ZNF609: variants seen among roughly 807,000 people sequenced by gnomAD.
The protein encoded by ZNF609 is zinc finger protein 609.
Under a neutral mutation model 109.5 loss-of-function variants are expected in ZNF609, and 11 were observed. The observed-to-expected ratio is 0.10, with a 90% CI of 0.06 to 0.17. The LOEUF (loss-of-function observed/expected upper bound fraction) is 0.17. Ranked by LOEUF, ZNF609 falls within the 10% of genes least tolerant of loss-of-function variation. The pLI is 1.00. For synonymous variants in ZNF609, 646 were observed against 662.0 expected, an observed-to-expected ratio of 0.98 and a Z score of 0.37; for missense variants, 1,559 against 1,772.4, an observed-to-expected ratio of 0.88 and a Z score of 2.16.
intron 2 of ZNF609, among the ~76,000 whole-genome samples, chr15:64,588,855 C>G (rs1442824540): frequency 1.3e-5 from 2 of 152,064 alleles, no homozygotes; most frequent in Non-Finnish European, 2.9e-5. Context: ...TCAGGCTGGT[C>G]TCGAACTCCT....
chr15:64,680,450 G>T lies in ZNF609; in HGVS notation c.3945+90G>T, dbSNP rs887262801. The T allele has an allele frequency of 6.6e-6, 10 of 1,514,770 alleles. No homozygotes were observed. In the African/African-American group the frequency reaches 1.2e-4, roughly 19 times the overall value. The allele number at this position is 1,514,770 out of a possible 1,614,324, so 93.8% of individuals were successfully genotyped here. ...GAGAAGGTGGGCAAGTTCAGGTCCT[G>T]ACCACAGTGCAGCTTGGCTGACTTG... is the stretch of plus-strand genomic sequence containing the variant. On this transcript the variant is annotated intron_variant, in intron 7 of 9. Transcript: ENST00000326648.
chr15:64,613,207 G>A (rs1425182768), intron 2 of ZNF609, among the ~76,000 whole-genome samples: 1 of 152,098 alleles, frequency 6.6e-6, no homozygotes, highest in Admixed American at 6.6e-5. Flanking sequence ...TGTAGTCCCA[G>A]CTACTTGAGA....
In ZNF609 at chr15:64,499,919, G is replaced by A; in HGVS notation, c.500G>A (p.Ser167Asn). The change falls in exon 2 of 10, where the codon AGC (serine) becomes AAC (asparagine). Residue 167 changes from serine (S) to asparagine (N), a missense_variant. Around this residue, in one of 4 missense-constraint regions of ZNF609, gnomAD observed 291 missense variants for 317.8 expected, o/e 0.92. Coordinates refer to ENST00000326648, the MANE Select transcript of ZNF609 (RefSeq NM_015042.2). ...KKEKENSSSK[S>N]KKERSEGVGT... is the part of the protein sequence containing the mutation. ...GAGAAGGAGAACAGCTCATCTAAGA[G>A]CAAGAAGGAGAGAAGCGAAGGAGTG... 6.2e-7 allele frequency: 1 copy of A among 1,614,100 alleles called. No individual in the cohort carries two copies. Among genetic ancestry groups the A allele is most frequent in the Non-Finnish European group, 8.5e-7 (1 of 1,180,018 alleles).
intron 2 of ZNF609, among the ~76,000 whole-genome samples, chr15:64,577,744 C>T (rs890552563): frequency 4.0e-5 from 6 of 149,838 alleles, no homozygotes; most frequent in African/African-American, 7.4e-5. Flanking sequence ...CTGTAATCCC[C>T]GCTACTTGGG....
chr15:64,644,989 CTT>C (rs971962353), intron 3 of ZNF609, among the ~76,000 whole-genome samples: 1 of 147,128 alleles, frequency 6.8e-6, no homozygotes, highest in Non-Finnish European at 1.5e-5. Context: ...CTTTTTCTTT[CTT>C]TCTTTCTTTC....
chr15:64,486,492 C>T (rs892965371), intron 1 of ZNF609, among the ~76,000 whole-genome samples: 4 of 148,414 alleles, frequency 2.7e-5, no homozygotes, highest in Non-Finnish European at 1.5e-5. Flanking sequence ...CCACTGCACT[C>T]CAGCCCAGGT....
Position 64,622,881 on chromosome 15 carries a change from G to T in ZNF609, c.802G>T (p.Val268Leu). 1 of 1,614,244 alleles carries T rather than the reference G, an allele frequency of 6.2e-7. No individual in the cohort carries two copies. Among genetic ancestry groups the T allele is most frequent in the Non-Finnish European group, 8.5e-7 (1 of 1,180,036 alleles). ...GCTGCCAATACACCTTTTGGTGCCA[G>T]TGGTCAACAATGACATCTCATCTCC... ...AVLPIHLLVP[V>L]VNNDISSPCE... Residue 268 changes from valine (V) to leucine (L), a missense_variant, in exon 3 of 10, where the codon GTG becomes TTG. Transcript: ENST00000326648.
intron 3 of ZNF609, among the ~76,000 whole-genome samples, chr15:64,665,540 C>T (rs1896632869): frequency 6.6e-6 from 1 of 152,124 alleles, no homozygotes; most frequent in South Asian, 2.1e-4. Context: ...TCACTTGAGA[C>T]CAGGAGTTGA....
At chr15:64,588,442 A>AAAAAAAAAAAAAAGAAG (rs71133451) in intron 2 of ZNF609, among the ~76,000 whole-genome samples, 90 of 75,270 alleles carry the variant, frequency 1.2e-3, no homozygotes, top group African/African-American at 4.2e-3. Flanking sequence ...AAAAAAAAAA[A>AAAAAAAAAAAAAAGAAG]AAGAAGAGGA....
chr15:64,636,464 T>A (rs922402014), intron 3 of ZNF609, among the ~76,000 whole-genome samples: 9 of 152,188 alleles, frequency 5.9e-5, no homozygotes, highest in African/African-American at 2.2e-4. Flanking sequence ...ATTGAACTCA[T>A]AATCAAATGA....
chr15:64,576,698 G>C (rs1311643129), intron 2 of ZNF609, among the ~76,000 whole-genome samples: 1 of 151,402 alleles, frequency 6.6e-6, no homozygotes, highest in African/African-American at 2.4e-5. Flanking sequence ...CAGCACTTTG[G>C]GAGACTGAAG....
At chr15:64,573,346 C>CTTCTT (rs1555420099) in intron 2 of ZNF609, among the ~76,000 whole-genome samples, 1 of 72,948 alleles carries the variant, frequency 1.4e-5, no homozygotes, top group African/African-American at 5.4e-5. Context: ...GCCCAACTTT[C>CTTCTT]TTTTTTTTTT....
rs116535794 is a variant in ZNF609, at chr15:64,480,618, A to G, written c.-127-18675A>G. 7.9e-3 allele frequency among the ~76,000 whole-genome samples: 1,197 copies of G among 152,300 alleles called. 17 individuals carry two copies. Among genetic ancestry groups the G allele is most frequent in the African/African-American group, 0.028 (1,149 of 41,568 alleles). ...AGGAGACTAACTGTTCAGGTGTAGT[A>G]CTGCTCTGGGCTATATACCTCATAG... On this transcript the variant is annotated intron_variant, in intron 1 of 9. Coordinates refer to ENST00000326648, the MANE Select transcript of ZNF609 (RefSeq NM_015042.2).
intron 2 of ZNF609, among the ~76,000 whole-genome samples, chr15:64,588,157 G>A (rs1208468664): frequency 1.3e-5 from 2 of 150,952 alleles, no homozygotes; most frequent in African/African-American, 2.4e-5. Context: ...GGCCGGGTGC[G>A]GTGGCTCACG....
intron 2 of ZNF609, among the ~76,000 whole-genome samples, chr15:64,536,885 G>A (rs1894155795): frequency 7.3e-6 from 1 of 137,370 alleles, no homozygotes; most frequent in South Asian, 2.3e-4. Flanking sequence ...ACTCCAGCCT[G>A]GGCGACAGAG....
intron 2 of ZNF609, among the ~76,000 whole-genome samples, chr15:64,513,961 A>G (rs1457463745): frequency 6.6e-6 from 1 of 151,956 alleles, no homozygotes; most frequent in Non-Finnish European, 1.5e-5. Context: ...GTGTGTTGAT[A>G]CATGCCTGTG....
intron 3 of ZNF609, among the ~76,000 whole-genome samples, chr15:64,665,560 G>A (rs1284931272): frequency 6.6e-6 from 1 of 152,020 alleles, no homozygotes; most frequent in Admixed American, 6.6e-5. Flanking sequence ...AAACCAGCCT[G>A]GGTAACATAG....
intron 1 of ZNF609, among the ~76,000 whole-genome samples, chr15:64,483,295 T>C (rs570322696): frequency 1.3e-5 from 2 of 152,278 alleles, no homozygotes; most frequent in Admixed American, 1.3e-4. Context: ...GGGTTCTCCA[T>C]GTTGGTCAGG....
At chr15:64,610,744 C>G (rs1472782162) in intron 2 of ZNF609, among the ~76,000 whole-genome samples, 6 of 152,230 alleles carry the variant, frequency 3.9e-5, no homozygotes, top group Admixed American at 3.9e-4. Context: ...CCTTCCTAAG[C>G]CACAGCAGAG....
Sources: allele counts gnomAD v4.1 joint callset (sites outside exome capture counted in the v4.1 genomes callset), GRCh38; gene constraint gnomAD v4.1.1; regional missense constraint gnomAD v4.1.1; transcripts MANE v1.5; gene names NCBI Gene and HGNC (gene_info 2026-07-23, HGNC 2026-07-21).